Variants in WWP2 observed in about 807,000 individuals in gnomAD.
WWP2 encodes the protein NEDD4-like E3 ubiquitin-protein ligase WWP2.
A neutral mutation model predicts 121.0 loss-of-function variants in WWP2; 57 were observed. The observed-to-expected ratio is 0.47, with a 90% CI of 0.38 to 0.59. The LOEUF is 0.59. WWP2 is among the 20% of genes least tolerant of loss of function. The pLI, the probability that WWP2 is intolerant of heterozygous loss-of-function variation, is 0.00. For synonymous variants in WWP2, 449 were observed against 441.3 expected (o/e 1.02, Z -0.22); for missense variants, 962 against 1,158.9 (o/e 0.83, Z 2.47).
At chr16:69,881,587 A>G (rs866518437) in intron 7 of WWP2, among the ~76,000 whole-genome samples, 9 of 152,270 alleles carry the variant, frequency 5.9e-5, no homozygotes, top group Admixed American at 1.3e-4. Context: ...AGATAGTATT[A>G]TTAAGGGAAA....
At chr16:69,920,327 A>G (rs752380944) in intron 10 of WWP2, among the ~76,000 whole-genome samples, 5 of 152,154 alleles carry the variant, frequency 3.3e-5, no homozygotes, top group South Asian at 2.1e-4. Flanking sequence ...TGCGCTCTGC[A>G]CACTTTCTTG....
Position 69,937,115 on chromosome 16 carries a change from C to T in WWP2, c.2118-3C>T, listed in dbSNP as rs1469603362. The T allele has an allele frequency of 6.2e-7, 1 of 1,613,726 alleles. No homozygotes were observed. Among genetic ancestry groups the T allele is most frequent in the Non-Finnish European group, 8.5e-7 (1 of 1,179,894 alleles). ...TCCACCCATGGCTGCTCTTTGGTCT[C>T]AGGCTGCTGACTGACTGGCGTTTCA... On this transcript the variant is annotated splice_polypyrimidine_tract_variant and splice_region_variant and intron_variant, in intron 19 of 23. Coordinates refer to ENST00000359154, the MANE Select transcript of WWP2 (RefSeq NM_001270454.2). The surrounding 1 kb of genome is among the most constrained non-coding windows in gnomAD (Gnocchi z 6.6).
intron 5 of WWP2, 52 bp downstream of exon 5, chr16:69,840,315 CG>C (rs2056954708): frequency 1.6e-6 from 2 of 1,217,406 alleles, no homozygotes; most frequent in African/African-American, 1.5e-5. Flanking sequence ...TGGGGCTGGG[CG>C]GGGGCCAGGA....
chr16:69,936,036 TG>T lies in WWP2; in HGVS notation c.1976+53del, dbSNP rs572491119. ...ACCGCGCTGATAGGAGGGACGTCTC[TG>T]GGTGGGAAGCAGGTACTGATGGCCT... On this transcript the variant is annotated intron_variant, in intron 18 of 23. Coordinates refer to ENST00000359154, the MANE Select transcript of WWP2 (RefSeq NM_001270454.2). The T allele has an allele frequency of 2.0e-4, 320 of 1,598,744 alleles. 1 individual carries two copies. Among genetic ancestry groups the T allele is most frequent in the Non-Finnish European group, 2.4e-4 (278 of 1,173,752 alleles).
At chr16:69,881,878 A>T (rs897579677) in intron 7 of WWP2, among the ~76,000 whole-genome samples, 2 of 152,204 alleles carry the variant, frequency 1.3e-5, no homozygotes, top group African/African-American at 4.8e-5. Flanking sequence ...TTTTTAGTAG[A>T]GACAGAGTTT....
At chr16:69,832,191 A>G (rs1386221904) in intron 4 of WWP2, among the ~76,000 whole-genome samples, 4 of 152,120 alleles carry the variant, frequency 2.6e-5, no homozygotes, top group African/African-American at 9.7e-5. Context: ...AGTTACTAGA[A>G]CAAAAACTGT....
At chr16:69,798,080 A>G (rs1001430652) in intron 2 of WWP2, among the ~76,000 whole-genome samples, 4 of 152,104 alleles carry the variant, frequency 2.6e-5, no homozygotes, top group Admixed American at 2.6e-4. Context: ...GAACAAGCAT[A>G]TCCCTTAGCA....
chr16:69,931,290 C>T, intron 14 of WWP2, 63 bp downstream of exon 14: 4 of 1,585,666 alleles, frequency 2.5e-6, no homozygotes, highest in Non-Finnish European at 3.5e-6. Context: ...AGTGTGAGTT[C>T]CCGGCACAGC....
At chr16:69,785,213 G>A (rs1253996482) in intron 1 of WWP2, among the ~76,000 whole-genome samples, 1 of 39,908 alleles carries the variant, frequency 2.5e-5, no homozygotes, top group Non-Finnish European at 6.2e-5. Context: ...TCCAGCTTAG[G>A]TGTGTGAGAC....
In WWP2 at chr16:69,930,121, T is replaced by C; in HGVS notation, c.1317-9T>C. 6.2e-7 allele frequency: 1 copy of C among 1,613,840 alleles called. No homozygotes were observed. On this transcript the variant is annotated splice_polypyrimidine_tract_variant and intron_variant, in intron 12 of 23. Transcript: ENST00000359154. ...CCAGCCCTTCACCCTTTTCTTCCCG[T>C]GTTTCCAGGATGATCCAGGAACCAG... is the stretch of plus-strand genomic sequence containing the variant.
intron 8 of WWP2, among the ~76,000 whole-genome samples, chr16:69,889,320 T>C (rs533925333): frequency 6.6e-6 from 1 of 152,314 alleles, no homozygotes; most frequent in Admixed American, 6.5e-5. Flanking sequence ...GCGAGACCCC[T>C]GTCTCAAAAA....
intron 7 of WWP2, among the ~76,000 whole-genome samples, chr16:69,878,673 A>G (rs1353880337): frequency 2.0e-5 from 3 of 151,416 alleles, no homozygotes; most frequent in Non-Finnish European, 4.4e-5. Flanking sequence ...GTTTTTATAC[A>G]TGGTTTCATG....
intron 4 of WWP2, among the ~76,000 whole-genome samples, chr16:69,801,383 C>G (rs999937783): frequency 6.6e-6 from 1 of 151,710 alleles, no homozygotes; most frequent in Non-Finnish European, 1.5e-5. Flanking sequence ...TACAGGCACA[C>G]GCCACCATGG....
At position 69,840,182 on chromosome 16, in the gene WWP2, T is replaced by C. The variant is rs762164829; in HGVS notation, c.397T>C (p.Ser133Pro). The C allele has an allele frequency of 1.2e-6, 2 of 1,614,254 alleles. No homozygotes were observed. Among genetic ancestry groups the C allele is most frequent in the Admixed American group, 1.7e-5 (1 of 60,026 alleles). ...LQTENKGSVV[S>P]GGELTIFLDG... ...GACGGAGAACAAAGGCAGCGTTGTC[T>C]CAGGCGGAGAGCTGACAATTTTCCT... is the stretch of plus-strand genomic sequence containing the variant. Residue 133 changes from serine to proline, a missense_variant, in exon 5 of 24, where the codon TCA becomes CCA. Coordinates refer to ENST00000359154, the MANE Select transcript of WWP2 (RefSeq NM_001270454.2).
rs373628403 is a variant in WWP2, at chr16:69,937,257, T to C, written c.2238+19T>C. ...GCTGGAGGTGAGTGTCTGAGGTTGC[T>C]GGGACCCTGAGCCCCTGCCTCTGGG... On this transcript the variant is annotated intron_variant, in intron 20 of 23. Transcript: ENST00000359154. This position sits in a 1 kb window ranked among gnomAD's most constrained non-coding sequence, Gnocchi z 6.6. 1 of 1,612,580 alleles carries C rather than the reference T, an allele frequency of 6.2e-7. No homozygotes were observed. The highest frequency in any genetic ancestry group is 1.3e-5 in the African/African-American group (1 of 74,888).
intron 6 of WWP2, among the ~76,000 whole-genome samples, chr16:69,856,221 A>C (rs1363448547): frequency 6.6e-6 from 1 of 152,220 alleles, no homozygotes; most frequent in Non-Finnish European, 1.5e-5. Flanking sequence ...CTTATGTTCT[A>C]TATGATTCCA....
chr16:69,782,012 G>A (rs909788889), intron 1 of WWP2, among the ~76,000 whole-genome samples: 1 of 152,176 alleles, frequency 6.6e-6, no homozygotes, highest in Non-Finnish European at 1.5e-5. Context: ...GCCGGGCGAG[G>A]TGGCTCATGC....
chr16:69,795,274 A>C (rs66476557), intron 2 of WWP2, among the ~76,000 whole-genome samples: 82 of 44,594 alleles, frequency 1.8e-3, no homozygotes, highest in Admixed American at 0.011. Flanking sequence ...ACACACACAC[A>C]CACACACACA....
At chr16:69,885,556 C>T (rs1159406129) in intron 7 of WWP2, among the ~76,000 whole-genome samples, 1 of 152,136 alleles carries the variant, frequency 6.6e-6, no homozygotes, top group Non-Finnish European at 1.5e-5. Flanking sequence ...TTCAGCTGAC[C>T]ACCAGTTCCA....
Sources: gnomAD v4.1 joint callset for allele counts (sites outside exome capture counted in the v4.1 genomes callset) on GRCh38, gnomAD v4.1.1 for gene constraint, Gnocchi (gnomAD v3.1) non-coding constraint, MANE v1.5 for transcripts, NCBI Gene and HGNC (gene_info 2026-07-23, HGNC 2026-07-21) for gene names.